The following APOL3 variants were observed in gnomAD, a reference collection of about 807,000 sequenced individuals.
APOL3 encodes the protein apolipoprotein L3, also known as TNF-inducible protein CG12-1.
In APOL3, 14 loss-of-function variants were observed where a neutral mutation model predicts 11.6. The ratio of observed to expected loss-of-function variants is 1.21; its 90% CI spans 0.80 to 1.89. APOL3 has a LOEUF of 1.89. APOL3 is among the 40% of genes most tolerant of loss of function. The probability of loss-of-function intolerance (pLI) is 0.00; values close to 1 mark genes in which losing one functional copy is unlikely to be tolerated. For missense variants in APOL3, 483 were observed against 492.1 expected (o/e 0.98, Z 0.17); for synonymous variants, 192 against 190.6 (o/e 1.01, Z -0.06).
chr22:36,141,361 C>A lies in APOL3; in HGVS notation c.1048G>T (p.Ala350Ser), dbSNP rs781433495. Residue 350 changes from alanine to serine, a missense_variant, in exon 3 of 3, where the codon GCA becomes TCA. Ala to Ser is a moderately conservative substitution (Grantham distance 99). Transcript: ENST00000349314. Reference sequence around the variant, plus strand: ...TATACAAGGTTGACCACATCCAGTGCAAGGAAGATGCCTGAAGTGGTCGCA... The same window carrying A: ...TATACAAGGTTGACCACATCCAGTGAAAGGAAGATGCCTGAAGTGGTCGCA... The A allele has an allele frequency of 2.6e-5, 42 of 1,614,102 alleles. No homozygotes were observed. Among genetic ancestry groups the A allele is most frequent in the African/African-American group, 4.0e-5 (3 of 74,938 alleles).
chr22:36,150,713 G>GCA (rs138854776), intron 1 of APOL3, among the ~76,000 whole-genome samples: 2,310 of 150,166 alleles, frequency 0.015, 38 homozygotes, highest in African/African-American at 0.041. Context: ...TACTAAAAAT[G>GCA]CACACACACA....
At chr22:36,150,970 G>A (rs2060410203) in intron 1 of APOL3, among the ~76,000 whole-genome samples, 1 of 152,186 alleles carries the variant, frequency 6.6e-6, no homozygotes, top group East Asian at 1.9e-4. Flanking sequence ...ACTGGCTGAA[G>A]AAGTGACAAC....
chr22:36,151,863 G>A (rs2011751571), intron 1 of APOL3, among the ~76,000 whole-genome samples: 1 of 152,158 alleles, frequency 6.6e-6, no homozygotes, highest in Non-Finnish European at 1.5e-5. Flanking sequence ...TGACTGGGGA[G>A]AATCTCTTGA....
At chr22:36,155,711 G>T in intron 1 of APOL3, 1 of 162,030 alleles carries the variant, frequency 6.2e-6, no homozygotes. Flanking sequence ...GAGAGAGCTG[G>T]GGCCTCAGAC....
Position 36,141,330 on chromosome 22 carries a change from G to C in APOL3, c.1079C>G (p.Ser360Ter). ...CTTTGCCCCCTCATGCAAGTGCTTT[G>C]ACTCGTATACAAGGTTGACCACATC... is the stretch of plus-strand genomic sequence containing the variant. Residue 360 changes from serine (S) to a stop codon, truncating the protein, a stop_gained, in exon 3 of 3, where the codon TCA becomes TGA. Coordinates refer to ENST00000349314, the Ensembl canonical transcript of APOL3. LOFTEE classifies it low-confidence loss of function (END_TRUNC). The C allele has an allele frequency of 6.2e-7, 1 of 1,614,146 alleles. No individual in the cohort carries two copies. The highest frequency in any genetic ancestry group is 1.1e-5 in the South Asian group (1 of 91,080).
chr22:36,150,696 C>T (rs545103550), intron 1 of APOL3, among the ~76,000 whole-genome samples: 1 of 152,248 alleles, frequency 6.6e-6, no homozygotes, highest in East Asian at 1.9e-4. Context: ...TAGTGAAACC[C>T]TGTCTCTACT....
At position 36,159,600 on chromosome 22, in the gene APOL3, T is replaced by C. The variant is rs369676962; in HGVS notation, c.223+1069A>G. 9.8e-5 allele frequency: 15 copies of C among 152,350 alleles called. No individual in the cohort carries two copies. The East Asian group carries it at 2.9e-3, about 29-fold the overall frequency. The allele number at this position is 152,350 out of a possible 1,614,324, so 9.4% of individuals were successfully genotyped here. On this transcript the variant is annotated intron_variant, in intron 1 of 2. Transcript: ENST00000349314. ...ATGTGGCAGACACCATTCTGCAACATGCCGTTCTCACTGCCCCTGTCTGGG... is the reference window on the plus strand; with the variant it reads ...ATGTGGCAGACACCATTCTGCAACACGCCGTTCTCACTGCCCCTGTCTGGG...
At position 36,149,963 on chromosome 22, in the gene APOL3, C is replaced by T. The variant is rs114829725; in HGVS notation, c.224-4364G>A. The T allele has an allele frequency of 5.1e-3, 2,251 of 444,050 alleles. 34 individuals are homozygous for T. Among genetic ancestry groups the T allele is most frequent in the African/African-American group, 0.041 (2,042 of 49,274 alleles). 27.5% of individuals were successfully genotyped at this position (444,050 alleles called of 1,614,324 possible). On this transcript the variant is annotated intron_variant, in intron 1 of 2. Coordinates refer to ENST00000349314, the Ensembl canonical transcript of APOL3. ...TTGTCCCTACAGGTACATACCACCACGCTAGGCACATTAAAAAAAAATTTT... is the reference window on the plus strand; with the variant it reads ...TTGTCCCTACAGGTACATACCACCATGCTAGGCACATTAAAAAAAAATTTT...
chr22:36,156,625 C>T (rs1023610512), intron 1 of APOL3: 1 of 221,422 alleles, frequency 4.5e-6, no homozygotes, highest in Admixed American at 4.7e-5. Context: ...ATGCCTCCCC[C>T]ACCTTCCCCA....
upstream of APOL3, among the ~76,000 whole-genome samples, chr22:36,161,987 T>A (rs375667767): frequency 6.8e-4 from 103 of 151,846 alleles, 1 homozygote; most frequent in African/African-American, 2.3e-3. Flanking sequence ...CACCAGGGAG[T>A]GATGGCCCTC....
rs5995229 is a variant in APOL3, at chr22:36,145,029, A to G, written c.350+444T>C. Among the ~76,000 whole-genome samples the G allele has an allele frequency of 2.3e-4, 30 of 128,798 alleles. 1 individual carries two copies. The highest frequency in any genetic ancestry group is 1.4e-3 in the African/African-American group (29 of 20,440). 84.5% of individuals were successfully genotyped at this position (128,798 alleles called of 152,430 possible). On this transcript the variant is annotated intron_variant, in intron 2 of 2. Transcript: ENST00000349314. ...TGTCTCAAAAAAAAAAAAAAAAGAA[A>G]AAAAAAGAAAAAAAAAGAAAAACAC...
upstream of APOL3, among the ~76,000 whole-genome samples, chr22:36,161,083 C>T (rs927336015): frequency 6.6e-6 from 1 of 152,226 alleles, no homozygotes; most frequent in Non-Finnish European, 1.5e-5. Flanking sequence ...ACACCACACT[C>T]CCCAGATGCC....
chr22:36,149,226 T>C, intron 1 of APOL3, 84 bp from the exon 2 acceptor site: 1 of 1,308,298 alleles, frequency 7.6e-7, no homozygotes, highest in Non-Finnish European at 1.0e-6. Context: ...ATCTCTGCAA[T>C]CCCTTTGCGT....
intron 1 of APOL3, among the ~76,000 whole-genome samples, chr22:36,152,831 AG>A (rs1321082547): frequency 2.6e-5 from 4 of 152,186 alleles, no homozygotes; most frequent in African/African-American, 7.2e-5. Context: ...AAAGCTGGCT[AG>A]GCACACTGGT....
intron 1 of APOL3, chr22:36,150,056 C>T (rs757570307): frequency 1.3e-5 from 5 of 374,952 alleles, no homozygotes; most frequent in Non-Finnish European, 2.6e-5. Flanking sequence ...AAGCAATCCT[C>T]CTGCCTGAGC....
At chr22:36,141,262 C>T (rs1482353899) in exon 3 of APOL3, 1 of 1,614,154 alleles carries the variant, frequency 6.2e-7, no homozygotes, top group South Asian at 1.1e-5. Context: ...AGATTCTCCT[C>T]CAGCTCCTGA....
chr22:36,154,414 A>G, intron 1 of APOL3: 1 of 346,950 alleles, frequency 2.9e-6, no homozygotes, highest in Non-Finnish European at 5.7e-6. Flanking sequence ...AAGTATACAG[A>G]AAAGGCTAAA....
At chr22:36,160,691 G>C (rs1181014902) in exon 1 of APOL3, 1 of 1,614,238 alleles carries the variant, frequency 6.2e-7, no homozygotes, top group South Asian at 1.1e-5. Flanking sequence ...TCTTGAAAGA[G>C]TGTGAGCAAG....
At chr22:36,147,944 C>T (rs979040244) in intron 1 of APOL3, among the ~76,000 whole-genome samples, 11 of 152,146 alleles carry the variant, frequency 7.2e-5, no homozygotes, top group Non-Finnish European at 1.5e-4. Context: ...AACTTAACTT[C>T]GGCCAGTCAT....
Sources: allele counts gnomAD v4.1 joint callset (sites outside exome capture counted in the v4.1 genomes callset), GRCh38; gene constraint gnomAD v4.1.1; transcripts MANE v1.5; gene names NCBI Gene and HGNC (gene_info 2026-07-23, HGNC 2026-07-21).